Variants in SORCS3 observed in about 807,000 individuals in gnomAD.
The protein encoded by SORCS3 is sortilin related VPS10 domain containing receptor 3, also known as VPS10 domain-containing receptor SorCS3.
SORCS3 carries 57 observed loss-of-function variants against 146.3 expected under a neutral mutation model. That is an observed-to-expected ratio of 0.39 (90% CI 0.31 to 0.49). The LOEUF is 0.49. Ranked by LOEUF, SORCS3 falls within the 20% of genes least tolerant of loss-of-function variation. SORCS3 has a pLI of 0.92. For missense variants in SORCS3, 1,341 were observed against 1,575.5 expected (o/e 0.85, Z 2.52); for synonymous variants, 653 against 618.5 (o/e 1.06, Z -0.83).
intron 14 of SORCS3, among the ~76,000 whole-genome samples, chr10:105,182,938 A>G (rs2056451962): frequency 6.6e-6 from 1 of 152,096 alleles, no homozygotes; most frequent in Admixed American, 6.5e-5. Flanking sequence ...CCTGAGCTCA[A>G]GTGATCTGCC....
At chr10:104,792,941 G>C (rs1008614149) in intron 1 of SORCS3, among the ~76,000 whole-genome samples, 3 of 152,104 alleles carry the variant, frequency 2.0e-5, no homozygotes, top group African/African-American at 7.2e-5. Flanking sequence ...TTTATCCCTT[G>C]ATAAGTGGTC....
At chr10:104,646,016 CAA>C (rs1333877356) in intron 1 of SORCS3, among the ~76,000 whole-genome samples, 1 of 151,924 alleles carries the variant, frequency 6.6e-6, no homozygotes, top group Non-Finnish European at 1.5e-5. Context: ...AGGGTTTTGC[CAA>C]AAAAATTGTT....
In SORCS3 at chr10:105,263,619, C is replaced by T. The variant is rs1247589245; in HGVS notation, c.*245C>T. On this transcript the variant is annotated 3_prime_UTR_variant, in exon 27 of 27. Transcript: ENST00000369701. ...AGGATGCATCTTCCCACAGCCTCCT[C>T]GCTTTACTCTGCCATTGGTAGCTTA... 7 of 470,954 alleles carry T rather than the reference C, an allele frequency of 1.5e-5. No homozygotes were observed. The highest frequency in any genetic ancestry group is 3.2e-5 in the South Asian group (1 of 31,656). 29.2% of individuals were successfully genotyped at this position (470,954 alleles called of 1,614,324 possible).
Position 105,223,192 on chromosome 10 carries a change from G to A in SORCS3, c.2811G>A (p.Val937=). The A allele has an allele frequency of 1.9e-6, 3 of 1,613,360 alleles. No homozygotes were observed. Among genetic ancestry groups the A allele is most frequent in the Non-Finnish European group, 1.7e-6 (2 of 1,179,486 alleles). Residue 937 remains valine (V), a synonymous_variant, in exon 20 of 27, where the codon GTG becomes GTA. Coordinates refer to ENST00000369701, the MANE Select transcript of SORCS3 (RefSeq NM_014978.3). The part of the protein sequence containing the change: ...RNKEVNISAV[V]WPSQLGTLTY... Reference sequence around the variant, plus strand: ...AGGAGGTCAACATCAGTGCAGTCGTGTGGCCCAGTCAACTGGGGACCCTTA... The same window carrying A: ...AGGAGGTCAACATCAGTGCAGTCGTATGGCCCAGTCAACTGGGGACCCTTA...
In SORCS3 at chr10:104,943,479, G is replaced by A. The variant is rs558253515; in HGVS notation, c.795+27547G>A. Among the ~76,000 whole-genome samples, 446 of 152,278 alleles carry A rather than the reference G, an allele frequency of 2.9e-3. 2 individuals are homozygous for A. The highest frequency in any genetic ancestry group is 0.019 in the South Asian group (90 of 4,832). Reference sequence around the variant, plus strand: ...GCATCAAGTAATATGTGATAAATATGTTAATAATATAGTAATACAATGAAT... The same window carrying A: ...GCATCAAGTAATATGTGATAAATATATTAATAATATAGTAATACAATGAAT... On this transcript the variant is annotated intron_variant, in intron 3 of 26. Coordinates refer to ENST00000369701, the MANE Select transcript of SORCS3 (RefSeq NM_014978.3).
intron 20 of SORCS3, among the ~76,000 whole-genome samples, chr10:105,223,904 C>G (rs1360847313): frequency 6.6e-6 from 1 of 152,182 alleles, no homozygotes; most frequent in Non-Finnish European, 1.5e-5. Flanking sequence ...ATGTTCTTCT[C>G]TATTCCTGTT....
chr10:105,054,097 GTGTATTTATTAACCAT>G (rs2055430726), intron 5 of SORCS3, among the ~76,000 whole-genome samples: 1 of 151,834 alleles, frequency 6.6e-6, no homozygotes, highest in East Asian at 1.9e-4. Flanking sequence ...ACATGCTTTC[GTGTATTTATTAACCAT>G]TGTATTTTCT....
At chr10:105,059,071 C>T (rs7094336) in intron 5 of SORCS3, among the ~76,000 whole-genome samples, 1,674 of 152,248 alleles carry the variant, frequency 0.011, 29 homozygotes, top group African/African-American at 0.037. Flanking sequence ...ACAAGCTCTC[C>T]TGGCAATGCC....
At chr10:104,780,977 A>G (rs147227655) in intron 1 of SORCS3, among the ~76,000 whole-genome samples, 11 of 152,334 alleles carry the variant, frequency 7.2e-5, no homozygotes, top group Middle Eastern at 3.4e-3. Flanking sequence ...TCAGAGAGTC[A>G]TATTTTTATA....
intron 22 of SORCS3, among the ~76,000 whole-genome samples, chr10:105,251,016 C>G (rs551203266): frequency 2.6e-5 from 4 of 152,318 alleles, no homozygotes; most frequent in African/African-American, 9.6e-5. Context: ...TACTCTGTGT[C>G]AAGCATTCTT....
At chr10:104,689,877 A>AAC (rs1466468756) in intron 1 of SORCS3, among the ~76,000 whole-genome samples, 2 of 152,174 alleles carry the variant, frequency 1.3e-5, no homozygotes, top group Non-Finnish European at 2.9e-5. Flanking sequence ...TTTCTCTGTA[A>AAC]ACCGTACCAT....
At chr10:104,906,620 T>A (rs1236374508) in intron 2 of SORCS3, among the ~76,000 whole-genome samples, 1 of 152,206 alleles carries the variant, frequency 6.6e-6, no homozygotes, top group Non-Finnish European at 1.5e-5. Context: ...TTTATATAAT[T>A]AGTCTGAGGC....
intron 4 of SORCS3, among the ~76,000 whole-genome samples, chr10:105,028,620 A>G (rs1025845826): frequency 1.5e-4 from 23 of 152,288 alleles, no homozygotes; most frequent in African/African-American, 5.5e-4. Context: ...TAGTCTGTGT[A>G]TTTGGAATTA....
At chr10:104,799,848 T>C (rs928249337) in intron 1 of SORCS3, among the ~76,000 whole-genome samples, 1 of 152,016 alleles carries the variant, frequency 6.6e-6, no homozygotes, top group African/African-American at 2.4e-5. Flanking sequence ...CCTAATTTTT[T>C]TGTATTTTTA....
intron 1 of SORCS3, among the ~76,000 whole-genome samples, chr10:104,732,353 T>C (rs2016715626): frequency 6.6e-6 from 1 of 152,216 alleles, no homozygotes; most frequent in Non-Finnish European, 1.5e-5. Flanking sequence ...GGGCCATTGT[T>C]ACATCAGTGT....
At chr10:105,197,799 G>A (rs1280281089) in intron 14 of SORCS3, among the ~76,000 whole-genome samples, 1 of 152,132 alleles carries the variant, frequency 6.6e-6, no homozygotes, top group East Asian at 1.9e-4. Flanking sequence ...TCTTTAGTCT[G>A]TCACGACCTT....
chr10:104,868,861 C>T (rs2018487622), intron 2 of SORCS3, among the ~76,000 whole-genome samples: 1 of 152,176 alleles, frequency 6.6e-6, no homozygotes, highest in Admixed American at 6.5e-5. Context: ...CCCAGTCAGA[C>T]ATCTTTTGCT....
At chr10:104,834,691 G>T (rs1488393088) in intron 1 of SORCS3, among the ~76,000 whole-genome samples, 1 of 140,312 alleles carries the variant, frequency 7.1e-6, no homozygotes, top group Admixed American at 7.3e-5. Flanking sequence ...TACTGCATTT[G>T]TTACCTATTT....
chr10:105,209,989 A>T (rs2056624530), intron 16 of SORCS3, among the ~76,000 whole-genome samples: 1 of 152,156 alleles, frequency 6.6e-6, no homozygotes, highest in East Asian at 1.9e-4. Context: ...GACACGGATT[A>T]TCACACCTTT....
Sources: allele counts gnomAD v4.1 joint callset (sites outside exome capture counted in the v4.1 genomes callset), GRCh38; gene constraint gnomAD v4.1.1; transcripts MANE v1.5; gene names NCBI Gene and HGNC (gene_info 2026-07-23, HGNC 2026-07-21).